CUL7: variants seen among roughly 807,000 people sequenced by gnomAD.
The protein encoded by CUL7 is cullin 7.
In CUL7, 96 loss-of-function variants were observed where a neutral mutation model predicts 177.7. The ratio of observed to expected loss-of-function variants is 0.54; its 90% CI spans 0.46 to 0.64. CUL7 has a LOEUF of 0.64. Among genes scored for constraint, CUL7 ranks in the 30% least tolerant of loss-of-function variants. The pLI is 0.00. For synonymous variants in CUL7, 824 were observed against 890.2 expected, an observed-to-expected ratio of 0.93 and a Z score of 1.32; for missense variants, 1,893 against 2,187.9, an observed-to-expected ratio of 0.87 and a Z score of 2.69.
In CUL7 at chr6:43,043,347, G is replaced by T; in HGVS notation, c.3355+101C>A. On this transcript the variant is annotated intron_variant, in intron 17 of 25. Coordinates refer to ENST00000265348, the MANE Select transcript of CUL7 (RefSeq NM_014780.5). The surrounding 1 kb of genome is among the most constrained non-coding windows in gnomAD (Gnocchi z 4.2). ...GGAAGATGAACAGGCTGAGCCCATA[G>T]GGAGGGGAAGGATGGGGATGGACAG... 1 of 1,303,034 alleles carries T rather than the reference G, an allele frequency of 7.7e-7. No individual in the cohort carries two copies. The highest frequency in any genetic ancestry group is 1.1e-6 in the Non-Finnish European group (1 of 904,714). 80.7% of individuals were successfully genotyped at this position (1,303,034 alleles called of 1,614,324 possible). A position where few individuals can be genotyped will look rare whatever the true frequency, so the allele number is the denominator to read the frequency against.
rs781072333 is a variant in CUL7 at position 43,038,432 on chromosome 6, C to T, written c.4608G>A (p.Ser1536=). The part of the protein sequence containing the change: ...KIRDGSKEPR[S]RWDIVRLIPP... Reference sequence around the variant, plus strand: ...GGATGAGCCGCACAATGTCCCATCTCGACCTGGGTTCCTTGCTGCCATCTC... The same window carrying T: ...GGATGAGCCGCACAATGTCCCATCTTGACCTGGGTTCCTTGCTGCCATCTC... The change falls in exon 25 of 26, where the codon TCG becomes TCA. Residue 1536 remains serine, a synonymous_variant. Coordinates refer to ENST00000265348, the MANE Select transcript of CUL7 (RefSeq NM_014780.5). 2.1e-5 allele frequency: 34 copies of T among 1,614,110 alleles called. No individual in the cohort carries two copies. The highest frequency in any genetic ancestry group is 3.3e-5 in the South Asian group (3 of 91,084).
chr6:43,051,172 G>C lies in CUL7; in HGVS notation c.1029C>G (p.Pro343=). The change falls in exon 4 of 26, where the codon CCC becomes CCG. Residue 343 remains proline, a synonymous_variant. Transcript: ENST00000265348. This position sits in a 1 kb window ranked among gnomAD's most constrained non-coding sequence, Gnocchi z 5.0. The stretch of plus-strand genomic sequence containing the variant: ...TGAAGGAGGGCTGAGCCTGGGCAGC[G>C]GGGAGCCCTGGGCTCACATCTGCCA... ...PQLADVSPGL[P]AAQAQPSFRR... 6.2e-7 allele frequency: 1 copy of C among 1,614,172 alleles called. No homozygotes were observed. The highest frequency in any genetic ancestry group is 8.5e-7 in the Non-Finnish European group (1 of 1,180,030).
Position 43,045,952 on chromosome 6 carries a change from G to C in CUL7, c.2766+34C>G. 6.6e-7 allele frequency: 1 copy of C among 1,515,798 alleles called. No homozygotes were observed. The highest frequency in any genetic ancestry group is 9.2e-7 in the Non-Finnish European group (1 of 1,090,920). 93.9% of individuals were successfully genotyped at this position (1,515,798 alleles called of 1,614,324 possible). On this transcript the variant is annotated intron_variant, in intron 13 of 25. Transcript: ENST00000265348. The surrounding 1 kb of genome is among the most constrained non-coding windows in gnomAD (Gnocchi z 4.8). ...AAGCAGGAGGGCAGATCCTGTGAGG[G>C]GTGGAGTAATGGCTAATGGCCCTGG...
At chr6:43,042,304 CATT>C (rs1021579357) in intron 19 of CUL7, among the ~76,000 whole-genome samples, 56 of 152,126 alleles carry the variant, frequency 3.7e-4, no homozygotes, top group African/African-American at 7.9e-4. Context: ...GTGCTTCTTG[CATT>C]TTAGCTCATC....
rs1458545401 is a variant in CUL7 at position 43,038,663 on chromosome 6, G to C, written c.4470C>G (p.Phe1490Leu). 3 of 1,614,016 alleles carry C rather than the reference G, an allele frequency of 1.9e-6. No homozygotes were observed. Among genetic ancestry groups the C allele is most frequent in the Non-Finnish European group, 2.5e-6 (3 of 1,180,024 alleles). ...KAVSVESLLAFSGLSADMLNQ... is the reference protein window; with the variant it reads ...KAVSVESLLALSGLSADMLNQ... The stretch of plus-strand genomic sequence containing the variant: ...TGAGCATGTCTGCGGAGAGCCCTGA[G>C]AACGCCAGCAGACTCTCCACAGAGA... Residue 1490 changes from phenylalanine (F) to leucine (L), a missense_variant, in exon 24 of 26, where the codon TTC becomes TTG. Phe to Leu is a conservative substitution (Grantham distance 22). Around this residue, in one of 5 missense-constraint regions of CUL7, gnomAD observed 16 missense variants for 40.0 expected, o/e 0.40. Coordinates refer to ENST00000265348, the MANE Select transcript of CUL7 (RefSeq NM_014780.5).
At position 43,052,628 on chromosome 6, in the gene CUL7, C is replaced by G. The variant is rs886061422; in HGVS notation, c.161G>C (p.Gly54Ala). ...AGCCTTGCAGTCCACTTGGCCAGAG[C>G]CCCCGTCCCCCTCATCGCCACGCCG... ...ILRRGDEGDGGSGQVDCKAEH... is the reference protein window; with the variant it reads ...ILRRGDEGDGASGQVDCKAEH... The change falls in exon 2 of 26, where the codon GGC becomes GCC. Residue 54 changes from glycine (G) to alanine (A), a missense_variant. Transcript: ENST00000265348. This position sits in a 1 kb window ranked among gnomAD's most constrained non-coding sequence, Gnocchi z 4.5. 1.2e-6 allele frequency: 2 copies of G among 1,614,118 alleles called. No homozygotes were observed. The highest frequency in any genetic ancestry group is 2.7e-5 in the African/African-American group (2 of 74,956).
Position 43,040,686 on chromosome 6 carries a change from C to T in CUL7, c.3867G>A (p.Leu1289=), listed in dbSNP as rs1461304269. Residue 1289 remains leucine (L), a synonymous_variant, in exon 21 of 26, where the codon CTG becomes CTA. Coordinates refer to ENST00000265348, the MANE Select transcript of CUL7 (RefSeq NM_014780.5). The surrounding 1 kb of genome is among the most constrained non-coding windows in gnomAD (Gnocchi z 4.2). ...VVSSWLEGAV[L]EQIGPCFPNR... ...TGGGGAAGCAGGGACCGATCTGCTC[C>T]AGCACGGCCCCCTCCAGCCAGCTCG... 1 of 1,614,190 alleles carries T rather than the reference C, an allele frequency of 6.2e-7. No individual in the cohort carries two copies. Among genetic ancestry groups the T allele is most frequent in the South Asian group, 1.1e-5 (1 of 91,078 alleles).
At position 43,037,848 on chromosome 6, in the gene CUL7, T is replaced by C. The variant is rs202213462; in HGVS notation, c.4937A>G (p.Tyr1646Cys). The stretch of plus-strand genomic sequence containing the variant: ...CTCCATGACAGTCACAGGGACTGCA[T>C]AGGACAGCACCTGGGGCCGGTCGTC... ...RHDDRPQVLSYAVPVTVMEPH... is the reference protein window; with the variant it reads ...RHDDRPQVLSCAVPVTVMEPH... The change falls in exon 26 of 26, where the codon TAT becomes TGT. Residue 1646 changes from tyrosine (Y) to cysteine (C), a missense_variant. This residue lies in a region of CUL7 where 248 missense variants were observed against 262.5 expected (regional missense o/e 0.94). Coordinates refer to ENST00000265348, the MANE Select transcript of CUL7 (RefSeq NM_014780.5). The C allele has an allele frequency of 9.3e-6, 15 of 1,613,246 alleles. No individual in the cohort carries two copies. The highest frequency in any genetic ancestry group is 5.3e-5 in the African/African-American group (4 of 74,868).
rs751097733 is a variant in CUL7 at position 43,051,098 on chromosome 6, G to A, written c.1103C>T (p.Thr368Ile). Residue 368 changes from threonine (T) to isoleucine (I), a missense_variant, in exon 4 of 26, where the codon ACC becomes ATC. Transcript: ENST00000265348. The surrounding 1 kb of genome is among the most constrained non-coding windows in gnomAD (Gnocchi z 5.0). ...TGTGTCCCGCACATACAAAGCATAG[G>A]TATTGCCACTTGCGAACTCAGAACG... ...RPRSEFASGN[T>I]YALYVRDTLQ... 6.2e-7 allele frequency: 1 copy of A among 1,614,212 alleles called. No homozygotes were observed. Among genetic ancestry groups the A allele is most frequent in the Non-Finnish European group, 8.5e-7 (1 of 1,180,052 alleles).
Position 43,045,869 on chromosome 6 carries a change from C to T in CUL7, c.2766+117G>A. 9.2e-7 allele frequency: 1 copy of T among 1,090,922 alleles called. No homozygotes were observed. Among genetic ancestry groups the T allele is most frequent in the Admixed American group, 2.0e-5 (1 of 50,982 alleles). The allele number at this position is 1,090,922 out of a possible 1,614,324, so 67.6% of individuals were successfully genotyped here. On this transcript the variant is annotated intron_variant, in intron 13 of 25. Transcript: ENST00000265348. The surrounding 1 kb of genome is among the most constrained non-coding windows in gnomAD (Gnocchi z 4.8). ...ACAAGCACAGGGATAAAGGACACTA[C>T]TTTCTGTGGGGCTCAAGACAGGTGG...
At position 43,051,615 on chromosome 6, in the gene CUL7, T is replaced by G. The variant is rs763470580; in HGVS notation, c.729A>C (p.Pro243=). The G allele has an allele frequency of 1.9e-6, 3 of 1,614,178 alleles. No homozygotes were observed. The highest frequency in any genetic ancestry group is 2.2e-5 in the East Asian group (1 of 44,880). ...ACCTTACACCCCCAAAGGTTACCTG[T>G]GGTAGCTGAATGCCCTCGAAAGACA... The part of the protein sequence containing the change: ...HPMSFEGIQL[P]QVPGRVLFSL... Residue 243 remains proline (P), a synonymous_variant, in exon 3 of 26, where the codon CCA becomes CCC. Coordinates refer to ENST00000265348, the MANE Select transcript of CUL7 (RefSeq NM_014780.5). This position sits in a 1 kb window ranked among gnomAD's most constrained non-coding sequence, Gnocchi z 5.0.
Position 43,051,544 on chromosome 6 carries a change from T to C in CUL7, c.732+68A>G, listed in dbSNP as rs1764411738. On this transcript the variant is annotated intron_variant, in intron 3 of 25. Coordinates refer to ENST00000265348, the MANE Select transcript of CUL7 (RefSeq NM_014780.5). This position sits in a 1 kb window ranked among gnomAD's most constrained non-coding sequence, Gnocchi z 5.0. ...CTCTCTCCATACCATCCTCTGCAGA[T>C]AGGTGCAAAGGCCTGGACCCTAGAT... 5.0e-6 allele frequency: 8 copies of C among 1,613,170 alleles called. 1 individual carries two copies. In the South Asian group the frequency reaches 7.7e-5, roughly 16 times the overall value.
At chr6:43,039,102 C>T (rs1299258484) in intron 22 of CUL7, 115 bp from the exon 23 acceptor site, 2 of 717,050 alleles carry the variant, frequency 2.8e-6, no homozygotes, top group Non-Finnish European at 2.5e-6. Flanking sequence ...GTGACCCCAG[C>T]ATTTATGGAC....
In CUL7 at chr6:43,051,309, T is replaced by C; in HGVS notation, c.892A>G (p.Met298Val). The C allele has an allele frequency of 2.5e-6, 4 of 1,610,238 alleles. No individual in the cohort carries two copies. The highest frequency in any genetic ancestry group is 3.4e-6 in the Non-Finnish European group (4 of 1,177,302). ...ERGQLELEFS[M>V]AMGTLISELV... ...TCCGAGATCAGGGTGCCCATGGCCA[T>C]ACTGAACTCCAGCTCCAGTTGACCC... Residue 298 changes from methionine (M) to valine (V), a missense_variant, in exon 4 of 26, where the codon ATG becomes GTG. By Grantham distance (21) the Met-to-Val change is conservative. Transcript: ENST00000265348. This position sits in a 1 kb window ranked among gnomAD's most constrained non-coding sequence, Gnocchi z 5.0.
chr6:43,049,453 G>T lies in CUL7; in HGVS notation c.1779C>A (p.Asp593Glu), dbSNP rs144775099. ...CTGAGTCCTTAGCCTGGGCCTGCGC[G>T]TCTAGCAGGAGGACATCTTCTTGGG... is the stretch of plus-strand genomic sequence containing the variant. ...LEAQEDVLLL[D>E]AQAQAKDSED... is the part of the protein sequence containing the mutation. Residue 593 changes from aspartate (D) to glutamate (E), a missense_variant, in exon 7 of 26, where the codon GAC (aspartate) becomes GAA (glutamate). Coordinates refer to ENST00000265348, the MANE Select transcript of CUL7 (RefSeq NM_014780.5). 2 of 1,614,242 alleles carry T rather than the reference G, an allele frequency of 1.2e-6. No individual in the cohort carries two copies. The highest frequency in any genetic ancestry group is 1.7e-6 in the Non-Finnish European group (2 of 1,180,044).
At position 43,052,534 on chromosome 6, in the gene CUL7, A is replaced by G. The variant is rs1423675270; in HGVS notation, c.255T>C (p.Asp85=). The G allele has an allele frequency of 2.5e-6, 4 of 1,614,226 alleles. No homozygotes were observed. In the Middle Eastern group the frequency reaches 4.9e-4, roughly 200 times the overall value. ...CCTGGGAGGGCCCGATGACCTGGCC[A>G]TCCTCGCCCAGCATCTTGTGGCAGT... ...YANCHKMLGE[D]GQVIGPSQES... The change falls in exon 2 of 26, where the codon GAT becomes GAC. Residue 85 remains aspartate, a synonymous_variant. Coordinates refer to ENST00000265348, the MANE Select transcript of CUL7 (RefSeq NM_014780.5). This position sits in a 1 kb window ranked among gnomAD's most constrained non-coding sequence, Gnocchi z 4.5.
At chr6:43,044,694 A>C (rs1454754831) in intron 16 of CUL7, 58 bp downstream of exon 16, 41 of 1,552,042 alleles carry the variant, frequency 2.6e-5, no homozygotes, top group Non-Finnish European at 2.8e-5. Flanking sequence ...GCAAGAAGGA[A>C]CTAATTAGTG....
At chr6:43,039,340 C>T (rs76968006) in intron 22 of CUL7, among the ~76,000 whole-genome samples, 3,428 of 152,316 alleles carry the variant, frequency 0.023, 183 homozygotes, top group Admixed American at 0.14. Flanking sequence ...AATGTCTCCC[C>T]TATTAGGAGG....
intron 7 of CUL7, 125 bp from the exon 8 acceptor site, chr6:43,048,694 C>A: frequency 1.4e-6 from 1 of 709,390 alleles, no homozygotes; most frequent in Non-Finnish European, 2.4e-6. Context: ...TTTTTAATCC[C>A]CCTAAAAGTT....
Sources: allele counts gnomAD v4.1 joint callset (sites outside exome capture counted in the v4.1 genomes callset), GRCh38; gene constraint gnomAD v4.1.1; regional missense constraint gnomAD v4.1.1; non-coding constraint Gnocchi (gnomAD v3.1); transcripts MANE v1.5; gene names NCBI Gene and HGNC (gene_info 2026-07-23, HGNC 2026-07-21).